The following ATXN7 variants were observed in gnomAD, a reference collection of about 807,000 sequenced individuals.
ATXN7 encodes the protein ataxin-7.
In ATXN7, 12 loss-of-function variants were observed where a neutral mutation model predicts 70.5. The ratio of observed to expected loss-of-function variants is 0.17; its 90% CI spans 0.11 to 0.28. The LOEUF (loss-of-function observed/expected upper bound fraction) is 0.28. Among genes scored for constraint, ATXN7 ranks in the 10% least tolerant of loss-of-function variants. The pLI, the probability that ATXN7 is intolerant of heterozygous loss-of-function variation, is 1.00. For synonymous variants in ATXN7, 498 were observed against 448.7 expected, an observed-to-expected ratio of 1.11 and a Z score of -1.39; for missense variants, 1,256 against 1,131.7, an observed-to-expected ratio of 1.11 and a Z score of -1.58.
chr3:63,993,275 A>ATTTTTTTTTTTTTTTTT (rs556994956), intron 11 of ATXN7, among the ~76,000 whole-genome samples: 9 of 115,992 alleles, frequency 7.8e-5, no homozygotes, highest in African/African-American at 2.9e-4. Flanking sequence ...TTGTTGGTGT[A>ATTTTTTTTTTTTTTTTT]TTTTTTTTTT....
At chr3:63,868,276 A>G (rs1195134615) in intron 1 of ATXN7, among the ~76,000 whole-genome samples, 1 of 152,218 alleles carries the variant, frequency 6.6e-6, no homozygotes, top group African/African-American at 2.4e-5. Context: ...CTTAAAATTC[A>G]AATTTGGTTT....
intron 5 of ATXN7, among the ~76,000 whole-genome samples, chr3:63,970,130 T>C (rs981709097): frequency 6.6e-6 from 1 of 152,236 alleles, no homozygotes; most frequent in Non-Finnish European, 1.5e-5. Context: ...TCATTCATTG[T>C]GTGGTATCTG....
chr3:63,982,797 G>A (rs2075512239), intron 7 of ATXN7, 142 bp from the exon 8 acceptor site: 2 of 637,280 alleles, frequency 3.1e-6, no homozygotes, highest in East Asian at 5.7e-5. Context: ...CTCACACGTT[G>A]TATATTTTTT....
chr3:63,897,188 T>G (rs1703473480), intron 1 of ATXN7, among the ~76,000 whole-genome samples: 1 of 152,146 alleles, frequency 6.6e-6, no homozygotes, highest in Admixed American at 6.5e-5. Context: ...GAAAACAGCT[T>G]TTATTGGAAG....
At chr3:63,973,414 T>C (rs1394638237) in intron 5 of ATXN7, among the ~76,000 whole-genome samples, 3 of 152,082 alleles carry the variant, frequency 2.0e-5, no homozygotes, top group African/African-American at 7.2e-5. Context: ...TGGTCTTTTG[T>C]AGAGCATCCT....
chr3:63,934,570 T>C (rs1226184602), intron 4 of ATXN7, among the ~76,000 whole-genome samples: 1 of 152,196 alleles, frequency 6.6e-6, no homozygotes, highest in South Asian at 2.1e-4. Flanking sequence ...TATTATGTTG[T>C]GGTGACTCAG....
rs973084377 is a variant in ATXN7 at position 63,988,091 on chromosome 3, G to A, written c.1128G>A (p.Gln376=). Residue 376 remains glutamine (Q), a synonymous_variant, in exon 9 of 13, where the codon CAG becomes CAA. Transcript: ENST00000674280. ...THSLTQRRAV[Q]GRRKRFDVLL... ...CCTTAACCCAGCGCAGGGCTGTCCA[G>A]GGTAGAAGAAAACGATTTGATGTGT... 4 of 1,613,984 alleles carry A rather than the reference G, an allele frequency of 2.5e-6. No homozygotes were observed. Among genetic ancestry groups the A allele is most frequent in the Non-Finnish European group, 3.4e-6 (4 of 1,180,042 alleles).
At chr3:63,994,382 A>G (rs1205212476) in intron 11 of ATXN7, among the ~76,000 whole-genome samples, 2 of 152,000 alleles carry the variant, frequency 1.3e-5, no homozygotes, top group Admixed American at 1.3e-4. Context: ...TTACAGGTGC[A>G]CACCACCATG....
chr3:63,976,531 G>A (rs10510904), intron 5 of ATXN7, among the ~76,000 whole-genome samples: 3,408 of 152,182 alleles, frequency 0.022, 130 homozygotes, highest in African/African-American at 0.076. Context: ...ACTTTTTTGG[G>A]ATATTATCGA....
At chr3:63,896,980 G>T (rs745816087) in intron 1 of ATXN7, among the ~76,000 whole-genome samples, 5 of 152,178 alleles carry the variant, frequency 3.3e-5, no homozygotes, top group Non-Finnish European at 5.9e-5. Flanking sequence ...TCTGATGCTG[G>T]TGTTGTTCTG....
chr3:63,996,239 C>T lies in ATXN7; in HGVS notation c.2417C>T (p.Pro806Leu). Residue 806 changes from proline to leucine, a missense_variant, in exon 12 of 13, where the codon CCA (proline) becomes CTA (leucine). Coordinates refer to ENST00000674280, the MANE Select transcript of ATXN7 (RefSeq NM_001377405.1). ...NSSDSTLSLG[P>L]FIHQSNELPV... ...AGTGATTCTACTCTTTCTCTTGGGCCATTCATTCACCAGTCCAATGAACTG... is the reference window on the plus strand; with the variant it reads ...AGTGATTCTACTCTTTCTCTTGGGCTATTCATTCACCAGTCCAATGAACTG... The T allele has an allele frequency of 1.9e-6, 3 of 1,614,174 alleles. No individual in the cohort carries two copies. Among genetic ancestry groups the T allele is most frequent in the Non-Finnish European group, 2.5e-6 (3 of 1,180,038 alleles).
At chr3:63,883,598 A>T (rs923764082) in intron 1 of ATXN7, among the ~76,000 whole-genome samples, 2 of 152,192 alleles carry the variant, frequency 1.3e-5, no homozygotes, top group Non-Finnish European at 2.9e-5. Context: ...AGGTGTGACT[A>T]TCCTAAATAA....
intron 5 of ATXN7, among the ~76,000 whole-genome samples, chr3:63,971,505 C>T (rs2075311942): frequency 6.6e-6 from 1 of 152,160 alleles, no homozygotes; most frequent in African/African-American, 2.4e-5. Context: ...GTTTGCTTGT[C>T]AGGCCATATG....
At chr3:63,949,129 A>G (rs145259819) in intron 4 of ATXN7, among the ~76,000 whole-genome samples, 1 of 152,272 alleles carries the variant, frequency 6.6e-6, no homozygotes, top group Non-Finnish European at 1.5e-5. Context: ...TAAAATATTT[A>G]GGAACATACA....
chr3:63,893,377 C>T (rs191027161), intron 1 of ATXN7, among the ~76,000 whole-genome samples: 1 of 152,244 alleles, frequency 6.6e-6, no homozygotes, highest in East Asian at 1.9e-4. Context: ...GCCTTGCTGA[C>T]CTTTCTTTGC....
rs771439534 is a variant in ATXN7 at position 63,912,864 on chromosome 3, T to C, written c.266T>C (p.Val89Ala). Residue 89 changes from valine (V) to alanine (A), a missense_variant, in exon 3 of 13, where the codon GTG becomes GCG. Val to Ala is a moderately conservative substitution (Grantham distance 64). Transcript: ENST00000674280. ...CGCAGGCCTCTGCCCAGTCCTGAAG[T>C]GATGCTGGGACAGTCGTGGAATCTG... ...GERRPLPSPEVMLGQSWNLWV... is the reference protein window; with the variant it reads ...GERRPLPSPEAMLGQSWNLWV... The C allele has an allele frequency of 1.7e-5, 28 of 1,613,166 alleles. No homozygotes were observed. Among genetic ancestry groups the C allele is most frequent in the Non-Finnish European group, 2.0e-5 (24 of 1,179,694 alleles).
intron 1 of ATXN7, among the ~76,000 whole-genome samples, chr3:63,877,017 C>A (rs1222787878): frequency 6.6e-6 from 1 of 152,054 alleles, no homozygotes; most frequent in East Asian, 1.9e-4. Context: ...AAAATTTACA[C>A]CTTAAATTCA....
intron 1 of ATXN7, among the ~76,000 whole-genome samples, chr3:63,876,050 GT>G (rs2107210821): frequency 6.6e-6 from 1 of 152,200 alleles, no homozygotes; most frequent in South Asian, 2.1e-4. Context: ...TTCTAACCAT[GT>G]TTTGATAAGC....
chr3:63,912,289 G>C (rs1458203413), intron 2 of ATXN7: 1 of 152,072 alleles, frequency 6.6e-6, no homozygotes, highest in Non-Finnish European at 1.5e-5. Flanking sequence ...TCCGCGCCAG[G>C]TCCTCTGAGC....
Sources: gnomAD v4.1 joint callset for allele counts (sites outside exome capture counted in the v4.1 genomes callset) on GRCh38, gnomAD v4.1.1 for gene constraint, MANE v1.5 for transcripts, NCBI Gene and HGNC (gene_info 2026-07-23, HGNC 2026-07-21) for gene names.